Variants in DLEU7 observed in about 807,000 individuals in gnomAD.
DLEU7 encodes the protein deleted in lymphocytic leukemia 7.
Under a neutral mutation model 16.0 loss-of-function variants are expected in DLEU7, and 17 were observed. The ratio of observed to expected loss-of-function variants is 1.06; its 90% CI spans 0.73 to 1.59. DLEU7 has a LOEUF of 1.59. DLEU7 is among the 40% of genes most tolerant of loss of function. The pLI is 0.00. For missense variants in DLEU7, 308 were observed against 314.9 expected (o/e 0.98, Z 0.17); for synonymous variants, 113 against 139.8 (o/e 0.81, Z 1.35).
chr13:50,765,162 C>T (rs2137749507), intron 1 of DLEU7, among the ~76,000 whole-genome samples: 1 of 152,190 alleles, frequency 6.6e-6, no homozygotes, highest in South Asian at 2.1e-4. Context: ...AGATTACAGG[C>T]ATGAGCCACT....
chr13:50,756,376 C>T (rs1054385415), intron 1 of DLEU7, among the ~76,000 whole-genome samples: 1 of 152,154 alleles, frequency 6.6e-6, no homozygotes, highest in African/African-American at 2.4e-5. Context: ...GACTCTCCTT[C>T]GATGGGTCTT....
chr13:50,743,967 A>G lies in DLEU7; in HGVS notation c.460-30727T>C, dbSNP rs111684742. Among the ~76,000 whole-genome samples the G allele has an allele frequency of 2.0e-3, 309 of 152,252 alleles. 1 individual carries two copies. The highest frequency in any genetic ancestry group is 6.0e-3 in the African/African-American group (249 of 41,528). On this transcript the variant is annotated intron_variant, in intron 1 of 1. Transcript: ENST00000400393. ...ACTGCTTGGTGATGCTGGGAATGATACTCAGAAAACCGCTTTTCTCATTTG... is the reference window on the plus strand; with the variant it reads ...ACTGCTTGGTGATGCTGGGAATGATGCTCAGAAAACCGCTTTTCTCATTTG...
intron 1 of DLEU7, among the ~76,000 whole-genome samples, chr13:50,738,838 C>T (rs567036850): frequency 1.1e-4 from 17 of 152,130 alleles, no homozygotes; most frequent in African/African-American, 3.4e-4. Flanking sequence ...TAAACTCATG[C>T]GATGTTCATA....
At chr13:50,794,435 T>C (rs7333185) in intron 1 of DLEU7, among the ~76,000 whole-genome samples, 64,483 of 151,936 alleles carry the variant, frequency 0.42, 14,014 homozygotes, top group African/African-American at 0.52. Context: ...AAAATTAACT[T>C]GCCCAAAGCC....
chr13:50,756,702 G>C (rs1874769139), intron 1 of DLEU7, among the ~76,000 whole-genome samples: 1 of 152,122 alleles, frequency 6.6e-6, no homozygotes, highest in Admixed American at 6.5e-5. Flanking sequence ...CTACACACCA[G>C]ATTTGCACCC....
chr13:50,727,658 C>T (rs1873803846), intron 1 of DLEU7, among the ~76,000 whole-genome samples: 1 of 152,142 alleles, frequency 6.6e-6, no homozygotes, highest in Admixed American at 6.5e-5. Context: ...GGAATACCTC[C>T]AGGGTTGCTG....
chr13:50,799,269 A>C (rs1876184824), intron 1 of DLEU7, among the ~76,000 whole-genome samples: 1 of 152,196 alleles, frequency 6.6e-6, no homozygotes, highest in South Asian at 2.1e-4. Flanking sequence ...GACTCACTGC[A>C]AGCCCTTCTT....
chr13:50,723,105 A>G (rs536062069), intron 1 of DLEU7: 60 of 152,332 alleles, frequency 3.9e-4, no homozygotes, highest in South Asian at 2.3e-3. Flanking sequence ...TAAACATTTT[A>G]ATATAAATTT....
intron 1 of DLEU7, among the ~76,000 whole-genome samples, chr13:50,794,451 G>A (rs529150615): frequency 5.9e-5 from 9 of 152,188 alleles, no homozygotes; most frequent in Non-Finnish European, 1.3e-4. Context: ...AAGCCACACA[G>A]TTGAATTGGA....
At chr13:50,762,189 CAAAAAAAA>C (rs71085045) in intron 1 of DLEU7, among the ~76,000 whole-genome samples, 2 of 84,294 alleles carry the variant, frequency 2.4e-5, no homozygotes, top group Non-Finnish European at 4.6e-5. Flanking sequence ...AGACTCGTCT[CAAAAAAAA>C]AAAAAAAAAA....
chr13:50,758,855 A>G (rs183855509), intron 1 of DLEU7, among the ~76,000 whole-genome samples: 132 of 152,316 alleles, frequency 8.7e-4, no homozygotes, highest in African/African-American at 2.8e-3. Context: ...TCCTTTACTT[A>G]GCTATTGTTT....
intron 1 of DLEU7, among the ~76,000 whole-genome samples, chr13:50,815,507 T>C (rs765717036): frequency 1.3e-5 from 2 of 152,158 alleles, no homozygotes; most frequent in Non-Finnish European, 2.9e-5. Context: ...CTTTTTCAAT[T>C]GTTTCTATAC....
At chr13:50,756,124 G>T (rs1010702351) in intron 1 of DLEU7, among the ~76,000 whole-genome samples, 2 of 152,168 alleles carry the variant, frequency 1.3e-5, no homozygotes, top group African/African-American at 4.8e-5. Flanking sequence ...GTTGCAGGGG[G>T]GTGAAATGGA....
At chr13:50,809,678 C>G (rs1234263386) in intron 1 of DLEU7, among the ~76,000 whole-genome samples, 1 of 152,090 alleles carries the variant, frequency 6.6e-6, no homozygotes, top group Admixed American at 6.5e-5. Context: ...AAACACTTAA[C>G]CAGGCCAAAA....
chr13:50,789,578 A>G (rs1364985932), intron 1 of DLEU7, among the ~76,000 whole-genome samples: 1 of 151,974 alleles, frequency 6.6e-6, no homozygotes, highest in Non-Finnish European at 1.5e-5. Context: ...TTTTCTACAG[A>G]ATAGTACTTT....
At chr13:50,753,163 C>T (rs906044385) in intron 1 of DLEU7, among the ~76,000 whole-genome samples, 3 of 152,180 alleles carry the variant, frequency 2.0e-5, no homozygotes, top group African/African-American at 7.2e-5. Context: ...ATACAGAGTG[C>T]CGATTGGTGT....
rs558441582 is a variant in DLEU7 at position 50,782,826 on chromosome 13, A to G, written c.459+60362T>C. On this transcript the variant is annotated intron_variant, in intron 1 of 1. Coordinates refer to the DLEU7 transcript ENST00000400393. ...TAACTTCTAATCATGTCCTTTACCT[A>G]TTCAAACATTTTCTGTGTCTTCCAT... is the stretch of plus-strand genomic sequence containing the variant. Among the ~76,000 whole-genome samples, 4 of 151,284 alleles carry G rather than the reference A, an allele frequency of 2.6e-5. No homozygotes were observed. The East Asian group carries it at 7.8e-4, about 29-fold the overall frequency.
chr13:50,804,159 A>G (rs543256502), intron 1 of DLEU7, among the ~76,000 whole-genome samples: 1 of 151,742 alleles, frequency 6.6e-6, no homozygotes, highest in East Asian at 1.9e-4. Context: ...AGTACCATGT[A>G]TTTTCTATTT....
intron 1 of DLEU7, among the ~76,000 whole-genome samples, chr13:50,737,377 C>T (rs1306725756): frequency 6.6e-6 from 1 of 152,070 alleles, no homozygotes; most frequent in Non-Finnish European, 1.5e-5. Flanking sequence ...TTCACTTCAT[C>T]GTGTTTCACA....
Sources: allele counts gnomAD v4.1 joint callset (sites outside exome capture counted in the v4.1 genomes callset), GRCh38; gene constraint gnomAD v4.1.1; transcripts MANE v1.5; gene names NCBI Gene and HGNC (gene_info 2026-07-23, HGNC 2026-07-21).